Variants in DCDC1 observed in about 807,000 individuals in gnomAD.
The protein encoded by DCDC1 is doublecortin domain-containing protein 1.
Under a neutral mutation model 178.3 loss-of-function variants are expected in DCDC1, and 200 were observed. That is an observed-to-expected ratio of 1.12 (90% confidence interval 1.00 to 1.26). The LOEUF (loss-of-function observed/expected upper bound fraction) is 1.26. Ranked by LOEUF, DCDC1 falls within the 50% of genes most tolerant of loss-of-function variation. The probability of loss-of-function intolerance (pLI) is 0.00; values close to 1 mark genes in which losing one functional copy is unlikely to be tolerated. For missense variants in DCDC1, 1,983 were observed against 1,749.2 expected, an observed-to-expected ratio of 1.13 and a Z score of -2.38; for synonymous variants, 690 against 604.8, an observed-to-expected ratio of 1.14 and a Z score of -2.07.
chr11:31,227,563 T>G (rs1403946229), intron 9 of DCDC1, among the ~76,000 whole-genome samples: 2 of 152,118 alleles, frequency 1.3e-5, no homozygotes, highest in Admixed American at 1.3e-4. Flanking sequence ...AAGAAACTTA[T>G]TTTATCCAAA....
chr11:31,363,594 T>C (rs1564934443), intron 1 of DCDC1, among the ~76,000 whole-genome samples: 1 of 152,172 alleles, frequency 6.6e-6, no homozygotes, highest in Admixed American at 6.5e-5. Context: ...CCATAGTTAA[T>C]ATACACTAGT....
chr11:31,204,195 T>C (rs1591393581), intron 9 of DCDC1, among the ~76,000 whole-genome samples: 3 of 152,272 alleles, frequency 2.0e-5, no homozygotes, highest in South Asian at 2.1e-4. Context: ...GTAGTACATA[T>C]GCCAAATTTG....
At position 31,290,647 on chromosome 11, in the gene DCDC1, C is replaced by G; in HGVS notation, c.960G>C (p.Lys320Asn). The part of the protein sequence containing the change: ...EITVGKETMK[K>N]VLDTCTIRMN... ...AGTTCAATATTTAATTAAAAATTAC[C>G]TTTTTCATTGTTTCTTTTCCCACTG... Residue 320 changes from lysine (K) to asparagine (N), a missense_variant and splice_region_variant, in exon 7 of 39, where the codon AAG becomes AAC. Lys to Asn is a moderately conservative substitution (Grantham distance 94). Coordinates refer to ENST00000684477, the MANE Select transcript of DCDC1 (RefSeq NM_001387274.1). 6.3e-7 allele frequency: 1 copy of G among 1,596,940 alleles called. No homozygotes were observed. Among genetic ancestry groups the G allele is most frequent in the Non-Finnish European group, 8.5e-7 (1 of 1,175,136 alleles).
At chr11:31,101,354 T>G (rs1958490556) in intron 15 of DCDC1, among the ~76,000 whole-genome samples, 1 of 110,032 alleles carries the variant, frequency 9.1e-6, no homozygotes, top group African/African-American at 4.1e-5. Context: ...CCTTTCATAA[T>G]TGAGCTGGAG....
chr11:30,953,928 T>A (rs1365583391), intron 20 of DCDC1, among the ~76,000 whole-genome samples: 1 of 151,620 alleles, frequency 6.6e-6, no homozygotes, highest in Non-Finnish European at 1.5e-5. Context: ...ACAGAAAAAT[T>A]GAGCTAAATA....
chr11:31,010,504 C>G (rs1209860478), intron 20 of DCDC1, among the ~76,000 whole-genome samples: 1 of 152,196 alleles, frequency 6.6e-6, no homozygotes, highest in Non-Finnish European at 1.5e-5. Context: ...AGCACAGAGC[C>G]TCAAATAATG....
chr11:30,990,723 CTA>C (rs1280722083), intron 20 of DCDC1, among the ~76,000 whole-genome samples: 2 of 152,094 alleles, frequency 1.3e-5, no homozygotes, highest in Non-Finnish European at 2.9e-5. Flanking sequence ...TAATACAATT[CTA>C]TGTTTGTTTT....
chr11:30,969,858 A>AT (rs1206934130), intron 20 of DCDC1, among the ~76,000 whole-genome samples: 1 of 152,178 alleles, frequency 6.6e-6, no homozygotes, highest in Non-Finnish European at 1.5e-5. Context: ...TGTTTTTCAT[A>AT]TTCATCATTT....
chr11:31,209,493 T>C (rs893779218), intron 9 of DCDC1, among the ~76,000 whole-genome samples: 1 of 152,230 alleles, frequency 6.6e-6, no homozygotes, highest in Non-Finnish European at 1.5e-5. Context: ...CTAGGGATCA[T>C]TATTGCCCTT....
chr11:31,194,584 C>T (rs1434139691), intron 9 of DCDC1, among the ~76,000 whole-genome samples: 3 of 151,852 alleles, frequency 2.0e-5, no homozygotes, highest in Non-Finnish European at 4.4e-5. Flanking sequence ...ATATTATGAG[C>T]CTTCTTTGTA....
At chr11:31,322,252 A>G (rs1426931080) in intron 3 of DCDC1, among the ~76,000 whole-genome samples, 2 of 152,234 alleles carry the variant, frequency 1.3e-5, no homozygotes, top group Non-Finnish European at 2.9e-5. Flanking sequence ...ATGTATCCAA[A>G]TACCACTGAA....
At chr11:31,313,907 T>C (rs539593598) in intron 3 of DCDC1, among the ~76,000 whole-genome samples, 2 of 152,330 alleles carry the variant, frequency 1.3e-5, no homozygotes, top group South Asian at 2.1e-4. Context: ...TTTTATAACA[T>C]AGATTTTCTT....
At chr11:31,171,288 T>C (rs1967203343) in intron 9 of DCDC1, among the ~76,000 whole-genome samples, 1 of 152,134 alleles carries the variant, frequency 6.6e-6, no homozygotes, top group Non-Finnish European at 1.5e-5. Context: ...ATACAATTTC[T>C]GTTGCAACTA....
rs1006746830 is a variant in DCDC1, at chr11:31,099,240, T to C, written c.1983+2937A>G. Among the ~76,000 whole-genome samples, 3 of 152,198 alleles carry C rather than the reference T, an allele frequency of 2.0e-5. No homozygotes were observed. In the East Asian group the frequency reaches 5.8e-4, roughly 29 times the overall value. ...GGTCAGCTAACTGAATATCTAGATA[T>C]TGCATCAGAGACAGGGATGATCAGG... On this transcript the variant is annotated intron_variant, in intron 15 of 38. Transcript: ENST00000684477.
chr11:31,033,125 A>T (rs1461092694), intron 20 of DCDC1, among the ~76,000 whole-genome samples: 4 of 152,188 alleles, frequency 2.6e-5, no homozygotes, highest in Admixed American at 2.6e-4. Flanking sequence ...TGATTTATGC[A>T]CAAGATTGTA....
chr11:31,305,594 T>A, intron 6 of DCDC1, 21 bp downstream of exon 6: 2 of 1,611,996 alleles, frequency 1.2e-6, no homozygotes, highest in Non-Finnish European at 1.7e-6. Flanking sequence ...GGGGGTAGGG[T>A]ATTTTTTAGA....
At chr11:31,015,322 G>T (rs1187101477) in intron 20 of DCDC1, among the ~76,000 whole-genome samples, 2 of 152,044 alleles carry the variant, frequency 1.3e-5, no homozygotes, top group Non-Finnish European at 2.9e-5. Flanking sequence ...ATGTTGTTAA[G>T]TCCTCTTCTT....
At chr11:31,363,172 T>C (rs188374834) in intron 1 of DCDC1, among the ~76,000 whole-genome samples, 1 of 152,256 alleles carries the variant, frequency 6.6e-6, no homozygotes, top group Non-Finnish European at 1.5e-5. Context: ...TTTGAAATAT[T>C]TGAAAATATT....
intron 21 of DCDC1, among the ~76,000 whole-genome samples, chr11:30,944,816 C>A (rs956816120): frequency 2.0e-5 from 3 of 152,022 alleles, no homozygotes; most frequent in African/African-American, 7.3e-5. Context: ...AAGTAAGGGA[C>A]AGATTTTTGT....
Sources: allele counts gnomAD v4.1 joint callset (sites outside exome capture counted in the v4.1 genomes callset), GRCh38; gene constraint gnomAD v4.1.1; transcripts MANE v1.5; gene names NCBI Gene and HGNC (gene_info 2026-07-23, HGNC 2026-07-21).